Variants in ARHGEF3 observed in about 807,000 individuals in gnomAD.
ARHGEF3 encodes the protein 59.8 kDA protein.
ARHGEF3 carries 28 observed loss-of-function variants against 63.2 expected under a neutral mutation model. The ratio of observed to expected loss-of-function variants is 0.44; its 90% CI spans 0.33 to 0.61. The LOEUF is 0.61. Among genes scored for constraint, ARHGEF3 ranks in the 20% least tolerant of loss-of-function variants. The pLI, the probability that ARHGEF3 is intolerant of heterozygous loss-of-function variation, is 0.03. For missense variants in ARHGEF3, 533 were observed against 659.3 expected, an observed-to-expected ratio of 0.81 and a Z score of 2.10; for synonymous variants, 266 against 254.2, an observed-to-expected ratio of 1.05 and a Z score of -0.44.
chr3:57,064,318 T>TTTTCTTTTTTTTTC, intron 1 of ARHGEF3, among the ~76,000 whole-genome samples: 2 of 150,082 alleles, frequency 1.3e-5, no homozygotes, highest in South Asian at 4.2e-4. Context: ...CTTTTTTTTT[T>TTTTCTTTTTTTTTC]CTTTCTTTTT....
rs1284044773 is a variant in ARHGEF3 at position 57,077,926 on chromosome 3, A to G, written c.-28+1300T>C. Among the ~76,000 whole-genome samples the G allele has an allele frequency of 2.0e-5, 3 of 152,230 alleles. No homozygotes were observed. The East Asian group carries it at 5.8e-4, about 29-fold the overall frequency. ...CAGTGCGGAAGGGAACACCATGGCT[A>G]CTGTGTAAGCACCACCAGCTCCTTA... is the stretch of plus-strand genomic sequence containing the variant. On this transcript the variant is annotated intron_variant, in intron 1 of 12. Transcript: ENST00000338458.
At chr3:56,773,226 G>A (rs572618709) in intron 2 of ARHGEF3, among the ~76,000 whole-genome samples, 14 of 152,028 alleles carry the variant, frequency 9.2e-5, no homozygotes, top group Non-Finnish European at 1.9e-4. Context: ...CATGTGTCAC[G>A]AAACAGCACC....
chr3:57,063,728 T>G (rs1226584440), intron 1 of ARHGEF3, among the ~76,000 whole-genome samples: 1 of 152,024 alleles, frequency 6.6e-6, no homozygotes, highest in African/African-American at 2.4e-5. Flanking sequence ...TCAGGAAGGA[T>G]GGCAACAGAG....
intron 4 of ARHGEF3, among the ~76,000 whole-genome samples, chr3:56,841,501 G>A (rs1288175019): frequency 6.6e-6 from 1 of 152,138 alleles, no homozygotes; most frequent in East Asian, 1.9e-4. Flanking sequence ...TACAAGCTGA[G>A]TAGCTGAATA....
At chr3:56,898,068 C>T (rs919758448) in intron 3 of ARHGEF3, among the ~76,000 whole-genome samples, 28 of 151,724 alleles carry the variant, frequency 1.8e-4, no homozygotes, top group Non-Finnish European at 3.5e-4. Context: ...TTTGTAGAGA[C>T]GGGGTCTCAT....
chr3:56,965,402 T>C (rs1416034762), intron 2 of ARHGEF3, among the ~76,000 whole-genome samples: 1 of 152,166 alleles, frequency 6.6e-6, no homozygotes, highest in Non-Finnish European at 1.5e-5. Flanking sequence ...AATAGCCTTA[T>C]AATTAATAAA....
chr3:56,921,647 C>T (rs1163397529), intron 3 of ARHGEF3, among the ~76,000 whole-genome samples: 1 of 152,134 alleles, frequency 6.6e-6, no homozygotes, highest in Non-Finnish European at 1.5e-5. Context: ...ACAAATGGAG[C>T]AGCGGTGTCC....
chr3:57,016,305 A>AG (rs1263709685), intron 2 of ARHGEF3, among the ~76,000 whole-genome samples: 4 of 152,032 alleles, frequency 2.6e-5, no homozygotes, highest in African/African-American at 9.6e-5. Flanking sequence ...GCACTTTGGG[A>AG]GGCCTCGGTG....
At position 56,753,545 on chromosome 3, in the gene ARHGEF3, C is replaced by T; in HGVS notation, c.397G>A (p.Gly133Arg). The change falls in exon 4 of 10, where the codon GGA (glycine) becomes AGA (arginine). Residue 133 changes from glycine to arginine, a missense_variant. This residue lies in a region of ARHGEF3 where 107 missense variants were observed against 207.9 expected (regional missense o/e 0.51). Transcript: ENST00000296315. ...AAGTCTTCTATCAAGTCTTCTTCTC[C>T]TTGGGAAAGCTCAAAGATCGCCTGC... is the stretch of plus-strand genomic sequence containing the variant. ...RQEAIFELSQGEEDLIEDLKL... is the reference protein window; with the variant it reads ...RQEAIFELSQREEDLIEDLKL... 6.2e-7 allele frequency: 1 copy of T among 1,613,784 alleles called. No homozygotes were observed. Among genetic ancestry groups the T allele is most frequent in the Non-Finnish European group, 8.5e-7 (1 of 1,179,950 alleles).
At chr3:56,839,280 T>C (rs537647678) in intron 4 of ARHGEF3, among the ~76,000 whole-genome samples, 3 of 152,210 alleles carry the variant, frequency 2.0e-5, no homozygotes, top group Non-Finnish European at 4.4e-5. Flanking sequence ...TGTGTATTAG[T>C]ATATGAGTAT....
chr3:56,882,313 G>A, exon 4 of ARHGEF3: 1 of 1,551,758 alleles, frequency 6.4e-7, no homozygotes, highest in Non-Finnish European at 8.7e-7. Flanking sequence ...GACTGCAAAG[G>A]CTAACAGCAT....
At chr3:56,854,007 A>G (rs1012847470) in intron 4 of ARHGEF3, among the ~76,000 whole-genome samples, 19 of 152,262 alleles carry the variant, frequency 1.2e-4, no homozygotes, top group African/African-American at 4.3e-4. Flanking sequence ...TGTCCTGGCT[A>G]ACACGGTGAA....
intron 4 of ARHGEF3, among the ~76,000 whole-genome samples, chr3:56,823,774 T>C (rs560973832): frequency 6.6e-6 from 1 of 152,212 alleles, no homozygotes; most frequent in African/African-American, 2.4e-5. Flanking sequence ...GACAAAGCTT[T>C]TGTAACTGCC....
chr3:56,909,818 A>G (rs1223894111), intron 3 of ARHGEF3, among the ~76,000 whole-genome samples: 1 of 149,962 alleles, frequency 6.7e-6, no homozygotes, highest in African/African-American at 2.5e-5. Flanking sequence ...GTAAATGGTG[A>G]TGATCTTGGT....
At chr3:56,874,307 G>A (rs2040519139) in intron 4 of ARHGEF3, among the ~76,000 whole-genome samples, 1 of 152,154 alleles carries the variant, frequency 6.6e-6, no homozygotes, top group Non-Finnish European at 1.5e-5. Context: ...ATCTCAGCTA[G>A]AGGCCTGGTC....
At chr3:56,733,878 G>A (rs1454612829) in intron 8 of ARHGEF3, among the ~76,000 whole-genome samples, 1 of 151,434 alleles carries the variant, frequency 6.6e-6, no homozygotes, top group East Asian at 2.0e-4. Context: ...CAGCTACTCA[G>A]GAGGCTGAGG....
chr3:57,061,270 G>A (rs1264540103), intron 1 of ARHGEF3, among the ~76,000 whole-genome samples: 2 of 152,136 alleles, frequency 1.3e-5, no homozygotes, highest in African/African-American at 2.4e-5. Context: ...TCAGCATGTT[G>A]TAGCATGTGT....
intron 1 of ARHGEF3, among the ~76,000 whole-genome samples, chr3:57,062,425 G>T (rs1705273826): frequency 1.3e-5 from 2 of 152,204 alleles, no homozygotes; most frequent in African/African-American, 4.8e-5. Context: ...CCCCCACTCG[G>T]GCTCAGGCTA....
intron 2 of ARHGEF3, among the ~76,000 whole-genome samples, chr3:56,984,065 T>C (rs1274520063): frequency 6.6e-6 from 1 of 152,088 alleles, no homozygotes; most frequent in Non-Finnish European, 1.5e-5. Flanking sequence ...CACCTTTTTG[T>C]AGGGAAATTC....
Sources: allele counts gnomAD v4.1 joint callset (sites outside exome capture counted in the v4.1 genomes callset), GRCh38; gene constraint gnomAD v4.1.1; regional missense constraint gnomAD v4.1.1; transcripts MANE v1.5; gene names NCBI Gene and HGNC (gene_info 2026-07-23, HGNC 2026-07-21).